NFASC: variants seen among roughly 807,000 people sequenced by gnomAD.
The protein encoded by NFASC is neurofascin homolog.
NFASC carries 43 observed loss-of-function variants against 147.5 expected under a neutral mutation model. The ratio of observed to expected loss-of-function variants is 0.29; its 90% CI spans 0.23 to 0.38. NFASC has a LOEUF of 0.38. Among genes scored for constraint, NFASC ranks in the 10% least tolerant of loss-of-function variants. The pLI is 1.00. For synonymous variants in NFASC, 622 were observed against 665.5 expected (o/e 0.93, Z 1.01); for missense variants, 1,320 against 1,689.0 (o/e 0.78, Z 3.83).
intron 3 of NFASC, chr1:204,946,908 A>G: frequency 2.4e-6 from 1 of 416,304 alleles, no homozygotes. Context: ...ACCGCCCCTG[A>G]CACAAACAAG....
intron 1 of NFASC, among the ~76,000 whole-genome samples, chr1:204,872,657 G>A (rs2103034510): frequency 6.6e-6 from 1 of 152,290 alleles, no homozygotes; most frequent in African/African-American, 2.4e-5. Context: ...CCTGGAAGAT[G>A]AGGGCCTTCA....
At chr1:204,828,917 C>T (rs1671389522) in intron 1 of NFASC, 135 bp downstream of exon 1, 2 of 471,594 alleles carry the variant, frequency 4.2e-6, no homozygotes, top group Non-Finnish European at 2.8e-6. Context: ...ATTCCCATCC[C>T]TTCCCCTCTC....
At chr1:204,879,483 G>A (rs1337167292) in intron 1 of NFASC, among the ~76,000 whole-genome samples, 2 of 152,182 alleles carry the variant, frequency 1.3e-5, no homozygotes, top group African/African-American at 4.8e-5. Context: ...GTCTGTGCAG[G>A]GTGAATGTAG....
At chr1:204,870,641 T>C in intron 1 of NFASC, 19 of 1,030,974 alleles carry the variant, frequency 1.8e-5, no homozygotes, top group Non-Finnish European at 2.2e-5. Flanking sequence ...CACACAACTC[T>C]TCCATTATGC....
At chr1:204,900,340 G>A (rs567804255) in intron 1 of NFASC, among the ~76,000 whole-genome samples, 1 of 152,188 alleles carries the variant, frequency 6.6e-6, no homozygotes, top group Non-Finnish European at 1.5e-5. Context: ...AATGGGAACA[G>A]TAATACATAA....
intron 3 of NFASC, 57 bp downstream of exon 3, chr1:204,944,463 G>GT: frequency 2.8e-6 from 2 of 708,410 alleles, no homozygotes; most frequent in Non-Finnish European, 4.5e-6. Context: ...AGAGGGGTGG[G>GT]AGGGGAGGGA....
intron 2 of NFASC, among the ~76,000 whole-genome samples, chr1:204,927,965 T>C (rs1355664075): frequency 6.6e-6 from 1 of 152,132 alleles, no homozygotes; most frequent in East Asian, 1.9e-4. Flanking sequence ...TGGGGGCTCT[T>C]CTCCGTGGTG....
At chr1:204,924,230 G>A (rs999785048) in intron 2 of NFASC, among the ~76,000 whole-genome samples, 3 of 152,222 alleles carry the variant, frequency 2.0e-5, no homozygotes, top group African/African-American at 4.8e-5. Context: ...GCCTGTAGAA[G>A]CCTGCCAGGA....
intron 2 of NFASC, among the ~76,000 whole-genome samples, chr1:204,927,880 G>C (rs959055953): frequency 6.6e-6 from 1 of 152,218 alleles, no homozygotes; most frequent in Non-Finnish European, 1.5e-5. Context: ...TAATTGCTGT[G>C]AAAACTTCCT....
At position 204,983,250 on chromosome 1, in the gene NFASC, G is replaced by A. The variant is rs72753424; in HGVS notation, c.2470+1230G>A. Among the ~76,000 whole-genome samples, 837 of 152,254 alleles carry A rather than the reference G, an allele frequency of 5.5e-3. 12 individuals carry two copies. The highest frequency in any genetic ancestry group is 0.011 in the South Asian group (53 of 4,824). ...GGGACAAGAATCAGTTATGGGGGAG[G>A]GAGGGGCCTTCCCTTTCCAGGTAGT... is the stretch of plus-strand genomic sequence containing the variant. On this transcript the variant is annotated intron_variant, in intron 21 of 29. Coordinates refer to ENST00000339876, the MANE Select transcript of NFASC (RefSeq NM_001005388.3).
chr1:204,896,766 T>G (rs1426766853), intron 1 of NFASC, among the ~76,000 whole-genome samples: 1 of 152,236 alleles, frequency 6.6e-6, no homozygotes, highest in East Asian at 1.9e-4. Context: ...TTATTATTAT[T>G]AATGGCAGCC....
chr1:205,007,359 G>GCA (rs1453449938), intron 27 of NFASC, among the ~76,000 whole-genome samples: 2 of 151,054 alleles, frequency 1.3e-5, no homozygotes, highest in East Asian at 3.9e-4. Flanking sequence ...TAACACCACT[G>GCA]CACTCCAACC....
At chr1:204,958,783 A>G (rs1222355920) in intron 8 of NFASC, among the ~76,000 whole-genome samples, 2 of 152,236 alleles carry the variant, frequency 1.3e-5, no homozygotes, top group African/African-American at 4.8e-5. Flanking sequence ...TGCAAAGGTC[A>G]GAAAAAATAG....
intron 1 of NFASC, among the ~76,000 whole-genome samples, chr1:204,871,237 A>T (rs1324976154): frequency 6.6e-6 from 1 of 152,226 alleles, no homozygotes; most frequent in Non-Finnish European, 1.5e-5. Flanking sequence ...TTCCCGGCCC[A>T]GGGAGTGGAT....
chr1:204,941,961 G>A (rs2093390262), intron 2 of NFASC, among the ~76,000 whole-genome samples: 1 of 152,128 alleles, frequency 6.6e-6, no homozygotes, highest in Non-Finnish European at 1.5e-5. Context: ...AAAAGCACAT[G>A]ATGGTCCAAA....
At chr1:204,964,185 G>A (rs973812424) in intron 8 of NFASC, among the ~76,000 whole-genome samples, 3 of 152,226 alleles carry the variant, frequency 2.0e-5, no homozygotes, top group Non-Finnish European at 4.4e-5. Context: ...GAACTTTAAT[G>A]TTCTCATTTG....
rs148937906 is a variant in NFASC, at chr1:204,968,815, C to T, written c.836C>T (p.Ala279Val). 2 of 1,613,252 alleles carry T rather than the reference C, an allele frequency of 1.2e-6. No homozygotes were observed. The highest frequency in any genetic ancestry group is 1.7e-6 in the Non-Finnish European group (2 of 1,179,876). The change falls in exon 10 of 30, where the codon GCA (alanine) becomes GTA (valine). Residue 279 changes from alanine (A) to valine (V), a missense_variant. Ala to Val is a moderately conservative substitution (Grantham distance 64). Transcript: ENST00000339876. The surrounding 1 kb of genome is among the most constrained non-coding windows in gnomAD (Gnocchi z 5.4). ...TCTCCTAGCCCAACACCAGACATCG[C>T]ATGGTACAAGAAAGGTGGGGACCTC... ...IASGVPTPDI[A>V]WYKKGGDLPS...
At chr1:204,923,414 C>T (rs1445573515) in intron 2 of NFASC, among the ~76,000 whole-genome samples, 1 of 152,158 alleles carries the variant, frequency 6.6e-6, no homozygotes, top group Non-Finnish European at 1.5e-5. Context: ...AGTACGTCCA[C>T]TCCTTGTCAC....
At chr1:204,974,540 G>T in intron 13 of NFASC, 117 bp from the exon 14 acceptor site, 13 of 1,250,568 alleles carry the variant, frequency 1.0e-5, no homozygotes, top group Non-Finnish European at 1.4e-5. Context: ...CAGGGCTCCA[G>T]TCTCCTAGCA....
Sources: gnomAD v4.1 joint callset for allele counts (sites outside exome capture counted in the v4.1 genomes callset) on GRCh38, gnomAD v4.1.1 for gene constraint, Gnocchi (gnomAD v3.1) non-coding constraint, MANE v1.5 for transcripts, NCBI Gene and HGNC (gene_info 2026-07-23, HGNC 2026-07-21) for gene names.